The following NTM variants were observed in gnomAD, a reference collection of about 807,000 sequenced individuals.
The protein encoded by NTM is IgLON family member 2.
Under a neutral mutation model 42.1 loss-of-function variants are expected in NTM, and 13 were observed. The observed-to-expected ratio is 0.31, with a 90% CI of 0.20 to 0.49. The LOEUF is 0.49. Ranked by LOEUF, NTM falls within the 20% of genes least tolerant of loss-of-function variation. The pLI is 0.99. For synonymous variants in NTM, 187 were observed against 179.2 expected (o/e 1.04, Z -0.35); for missense variants, 373 against 452.8 (o/e 0.82, Z 1.60).
intron 1 of NTM, among the ~76,000 whole-genome samples, chr11:131,805,487 C>A (rs2324633): frequency 0.79 from 119,761 of 151,790 alleles, 47,904 homozygotes; most frequent in African/African-American, 0.89. Flanking sequence ...TACTGTTATC[C>A]GATTATATTA....
intron 1 of NTM, among the ~76,000 whole-genome samples, chr11:131,473,260 G>A (rs1952616758): frequency 6.6e-6 from 1 of 152,052 alleles, no homozygotes; most frequent in Non-Finnish European, 1.5e-5. Flanking sequence ...AGGCAGGCAG[G>A]GGTACCTTGG....
intron 2 of NTM, among the ~76,000 whole-genome samples, chr11:132,123,277 A>C (rs1169479049): frequency 1.3e-5 from 2 of 152,316 alleles, no homozygotes; most frequent in East Asian, 3.9e-4. Context: ...CTGGAAAGGC[A>C]CAGGGGGCAG....
chr11:132,167,446 G>T (rs775094772), intron 3 of NTM, among the ~76,000 whole-genome samples: 1 of 152,146 alleles, frequency 6.6e-6, no homozygotes, highest in Admixed American at 6.5e-5. Flanking sequence ...GATTTCTAAA[G>T]AAGTTTCCTC....
chr11:132,080,203 A>C (rs555739553), intron 2 of NTM, among the ~76,000 whole-genome samples: 2 of 152,280 alleles, frequency 1.3e-5, no homozygotes, highest in Admixed American at 1.3e-4. Context: ...AAAAAAAATC[A>C]ATGCCCCCTG....
chr11:131,702,577 A>C (rs1193556981), intron 1 of NTM, among the ~76,000 whole-genome samples: 1 of 152,208 alleles, frequency 6.6e-6, no homozygotes, highest in Non-Finnish European at 1.5e-5. Context: ...TCATGGGATG[A>C]AACAGAGAGC....
intron 4 of NTM, among the ~76,000 whole-genome samples, chr11:132,259,889 C>T (rs1310056398): frequency 6.6e-6 from 1 of 151,888 alleles, no homozygotes; most frequent in East Asian, 2.0e-4. Context: ...GCTGGGATTA[C>T]AGGAGTGCAC....
intron 1 of NTM, among the ~76,000 whole-genome samples, chr11:131,430,452 C>G (rs937625527): frequency 6.6e-6 from 1 of 152,104 alleles, no homozygotes; most frequent in African/African-American, 2.4e-5. Context: ...GGTATGAGGA[C>G]TTGCTTTCTC....
At chr11:132,314,790 C>A in intron 7 of NTM, 87 bp downstream of exon 7, 3 of 1,441,780 alleles carry the variant, frequency 2.1e-6, no homozygotes, top group South Asian at 1.6e-5. Flanking sequence ...AGGCCAGGGT[C>A]AGAGGTTAGC....
At chr11:131,514,017 C>A (rs2048582320) in intron 1 of NTM, among the ~76,000 whole-genome samples, 1 of 151,958 alleles carries the variant, frequency 6.6e-6, no homozygotes. Flanking sequence ...AAGCCTTGGC[C>A]TAAGGCTTCA....
intron 2 of NTM, among the ~76,000 whole-genome samples, chr11:131,989,182 A>G (rs1303277893): frequency 2.0e-5 from 3 of 152,174 alleles, no homozygotes; most frequent in Non-Finnish European, 4.4e-5. Context: ...CTTTGTTATT[A>G]TGTCTCATGT....
chr11:131,789,482 AAG>A lies in NTM; in HGVS notation c.83-122080_83-122079del, dbSNP rs1491356078. On this transcript the variant is annotated intron_variant, in intron 1 of 8. Coordinates refer to ENST00000683400, the MANE Select transcript of NTM (RefSeq NM_001352005.2). ...GAAGAAGAAGAAGAAGAAGAAGAAG[AAG>A]AAGAAGAGGAAAGAAGAAGAAGAAG... Among the ~76,000 whole-genome samples, 8 of 11,414 alleles carry A rather than the reference AAG, an allele frequency of 7.0e-4. 4 individuals carry two copies. The highest frequency in any genetic ancestry group is 2.5e-3 in the African/African-American group (8 of 3,180). 7.5% of individuals were successfully genotyped at this position (11,414 alleles called of 152,430 possible).
chr11:131,568,089 C>A (rs374046412), intron 1 of NTM, among the ~76,000 whole-genome samples: 2 of 152,132 alleles, frequency 1.3e-5, no homozygotes, highest in African/African-American at 4.8e-5. Context: ...TCTCGACAGC[C>A]GAAGGAGGAA....
chr11:132,064,400 T>G (rs141891565), intron 2 of NTM, among the ~76,000 whole-genome samples: 2 of 152,302 alleles, frequency 1.3e-5, no homozygotes, highest in African/African-American at 4.8e-5. Context: ...ATTGTGAAAT[T>G]GCCATTAAGT....
rs554945625 is a variant in NTM, at chr11:131,698,251, C to T, written c.83-213313C>T. Among the ~76,000 whole-genome samples, 131 of 152,258 alleles carry T rather than the reference C, an allele frequency of 8.6e-4. 1 individual carries two copies. Among genetic ancestry groups the T allele is most frequent in the African/African-American group, 3.0e-3 (124 of 41,542 alleles). ...TTAGGTTCCTGCTATACCCTGGCCA[C>T]CTAGGGCACAGGAACAGAAGGTGTA... is the stretch of plus-strand genomic sequence containing the variant. On this transcript the variant is annotated intron_variant, in intron 1 of 8. Coordinates refer to ENST00000683400, the MANE Select transcript of NTM (RefSeq NM_001352005.2).
chr11:131,801,852 G>A lies in NTM; in HGVS notation c.83-109712G>A, dbSNP rs374853059. 4.3e-4 allele frequency among the ~76,000 whole-genome samples: 65 copies of A among 152,142 alleles called. 2 individuals carry two copies. The South Asian group carries it at 0.013, about 31-fold the overall frequency. ...CTCAATCTCCTTGATCAGAATGTGAGCTGGGCCCATCTTTCCTGAGGCAGC... is the reference window on the plus strand; with the variant it reads ...CTCAATCTCCTTGATCAGAATGTGAACTGGGCCCATCTTTCCTGAGGCAGC... On this transcript the variant is annotated intron_variant, in intron 1 of 8. Transcript: ENST00000683400.
At chr11:132,123,606 C>A (rs886137693) in intron 2 of NTM, among the ~76,000 whole-genome samples, 3 of 152,204 alleles carry the variant, frequency 2.0e-5, no homozygotes, top group Admixed American at 2.0e-4. Context: ...TGCCACTGGT[C>A]CTTCCCATAC....
chr11:132,147,173 G>GTT (rs745667832), intron 3 of NTM, among the ~76,000 whole-genome samples: 1 of 109,726 alleles, frequency 9.1e-6, no homozygotes, highest in African/African-American at 3.4e-5. Context: ...GGCCTTGTAT[G>GTT]TTTGTGTGTG....
At chr11:131,388,396 C>G (rs894741280) in intron 1 of NTM, among the ~76,000 whole-genome samples, 8 of 148,110 alleles carry the variant, frequency 5.4e-5, no homozygotes, top group Admixed American at 5.4e-4. Context: ...AGAGCACATA[C>G]TAATACTAAA....
In NTM at chr11:131,883,005, A is replaced by G. The variant is rs548884604; in HGVS notation, c.83-28559A>G. Among the ~76,000 whole-genome samples the G allele has an allele frequency of 7.9e-5, 12 of 152,324 alleles. No homozygotes were observed. The South Asian group carries it at 2.3e-3, about 29-fold the overall frequency. ...AGCAGTCACACTCCCCATGACATAA[A>G]GTTGATGACATATCCTGAGTGCACA... On this transcript the variant is annotated intron_variant, in intron 1 of 8. Coordinates refer to ENST00000683400, the MANE Select transcript of NTM (RefSeq NM_001352005.2).
Sources: allele counts gnomAD v4.1 joint callset (sites outside exome capture counted in the v4.1 genomes callset), GRCh38; gene constraint gnomAD v4.1.1; transcripts MANE v1.5; gene names NCBI Gene and HGNC (gene_info 2026-07-23, HGNC 2026-07-21).